MYOM3: variants seen among roughly 807,000 people sequenced by gnomAD.
MYOM3 encodes myomesin 3, also known as myomesin-3.
Under a neutral mutation model 191.7 loss-of-function variants are expected in MYOM3, and 155 were observed. The observed-to-expected ratio is 0.81, with a 90% CI of 0.71 to 0.92. The LOEUF (loss-of-function observed/expected upper bound fraction) is 0.92. Among genes scored for constraint, MYOM3 ranks in the 40% least tolerant of loss-of-function variants. MYOM3 has a pLI of 0.00. For synonymous variants in MYOM3, 757 were observed against 762.9 expected, an observed-to-expected ratio of 0.99 and a Z score of 0.13; for missense variants, 1,889 against 1,890.6, an observed-to-expected ratio of 1.00 and a Z score of 0.02.
chr1:24,081,962 C>G, intron 18 of MYOM3, 39 bp downstream of exon 18: 1 of 1,573,616 alleles, frequency 6.4e-7, no homozygotes, highest in Non-Finnish European at 8.6e-7. Context: ...CGCTGCTAAA[C>G]AAGTCATGAC....
At position 24,067,893 on chromosome 1, in the gene MYOM3, C is replaced by T. The variant is rs560320494; in HGVS notation, c.3355+77G>A. 23 of 1,437,328 alleles carry T rather than the reference C, an allele frequency of 1.6e-5. No homozygotes were observed. The African/African-American group carries it at 2.8e-4, about 17-fold the overall frequency. 89.0% of individuals were successfully genotyped at this position (1,437,328 alleles called of 1,614,324 possible). ...TTGGGGACCCAGCAGGGCTGGGGTT[C>T]CCATTAATCCGCAGTCCAGCATCTC... On this transcript the variant is annotated intron_variant, in intron 27 of 36. Transcript: ENST00000374434.
chr1:24,104,130 G>A (rs188092751), intron 5 of MYOM3, among the ~76,000 whole-genome samples: 12 of 152,296 alleles, frequency 7.9e-5, no homozygotes, highest in African/African-American at 2.9e-4. Flanking sequence ...TAGGCATAAT[G>A]GTTCCTATCT....
At chr1:24,079,893 T>C in intron 20 of MYOM3, 123 bp downstream of exon 20, 2 of 957,766 alleles carry the variant, frequency 2.1e-6, no homozygotes, top group South Asian at 3.7e-5. Context: ...AAATCGCTCT[T>C]CCTCTCTGGT....
chr1:24,107,099 G>A lies in MYOM3; in HGVS notation c.376C>T (p.Arg126Trp), dbSNP rs761928788. 68 of 1,611,208 alleles carry A rather than the reference G, an allele frequency of 4.2e-5. No individual in the cohort carries two copies. The highest frequency in any genetic ancestry group is 3.3e-4 in the Middle Eastern group (2 of 6,076). The change falls in exon 4 of 37, where the codon CGG (arginine) becomes TGG (tryptophan). Residue 126 changes from arginine to tryptophan, a missense_variant. Coordinates refer to ENST00000374434, the MANE Select transcript of MYOM3 (RefSeq NM_152372.4). Reference sequence around the variant, plus strand: ...CGCCGCCTCAGCGTCTTCCAGTCCCGCCTCTGGCGCAGCAGCCGGTGGGTC... The same window carrying A: ...CGCCGCCTCAGCGTCTTCCAGTCCCACCTCTGGCGCAGCAGCCGGTGGGTC... ...LQTHRLLRQRRDWKTLRRRTE... is the reference protein window; with the variant it reads ...LQTHRLLRQRWDWKTLRRRTE...
rs1246359387 is a variant in MYOM3 at position 24,065,972 on chromosome 1, A to G, written c.3453T>C (p.Phe1151=). 3 of 1,614,064 alleles carry G rather than the reference A, an allele frequency of 1.9e-6. No homozygotes were observed. Among genetic ancestry groups the G allele is most frequent in the Admixed American group, 3.3e-5 (2 of 60,028 alleles). The change falls in exon 29 of 37, where the codon TTT becomes TTC. Residue 1151 remains phenylalanine (F), a synonymous_variant. Transcript: ENST00000374434. ...KVTNTKKETR[F]QWFFQRAEMP... Reference sequence around the variant, plus strand: ...TCTCTGCCCTCTGGAAGAACCACTGAAAGCGAGTCTCCTTCTTGGTGTTGG... The same window carrying G: ...TCTCTGCCCTCTGGAAGAACCACTGGAAGCGAGTCTCCTTCTTGGTGTTGG...
At position 24,105,584 on chromosome 1, in the gene MYOM3, C is replaced by T. The variant is rs949361495; in HGVS notation, c.560+336G>A. ...CAGTCTTCCAGCCCCAGGCTGGCTG[C>T]GGGGCAGCTAAGAATAACCCAGGCC... On this transcript the variant is annotated intron_variant, in intron 5 of 36. Transcript: ENST00000374434. 5.3e-5 allele frequency among the ~76,000 whole-genome samples: 8 copies of T among 152,196 alleles called. No homozygotes were observed. In the South Asian group the frequency reaches 8.3e-4, roughly 16 times the overall value.
At chr1:24,100,886 C>CA (rs570186037) in intron 5 of MYOM3, among the ~76,000 whole-genome samples, 5,182 of 94,142 alleles carry the variant, frequency 0.055, 108 homozygotes, top group Non-Finnish European at 0.079. Flanking sequence ...GACTCCGTCT[C>CA]AAAAAAAAAA....
intron 3 of MYOM3, 43 bp downstream of exon 3, chr1:24,107,950 C>A: frequency 6.4e-7 from 1 of 1,560,660 alleles, no homozygotes; most frequent in Non-Finnish European, 8.8e-7. Flanking sequence ...GACAGGATGG[C>A]CCCTCCTCAG....
chr1:24,060,847 GGCTCGC>G (rs929342759), intron 35 of MYOM3, among the ~76,000 whole-genome samples: 7 of 152,096 alleles, frequency 4.6e-5, no homozygotes, highest in African/African-American at 1.7e-4. Context: ...GCGAGAACCA[GGCTCGC>G]GCTGGATGCT....
At chr1:24,061,025 A>G (rs752485769) in intron 35 of MYOM3, 35 bp downstream of exon 35, 2 of 1,613,764 alleles carry the variant, frequency 1.2e-6, no homozygotes, top group African/African-American at 2.7e-5. Flanking sequence ...CCCCAAATTC[A>G]GAAACAAAAA....
rs191288278 is a variant in MYOM3, at chr1:24,085,552, A to G, written c.1799-913T>C. On this transcript the variant is annotated intron_variant, in intron 15 of 36. Transcript: ENST00000374434. ...AAGCTTCTGTTCCTTGACCTGCTCC[A>G]CTTTTTCTCCTCTCTTCTTATTCCT... 2.0e-5 allele frequency among the ~76,000 whole-genome samples: 3 copies of G among 152,226 alleles called. No homozygotes were observed. In the East Asian group the frequency reaches 5.8e-4, roughly 29 times the overall value.
chr1:24,072,616 C>A (rs1340236028), intron 23 of MYOM3, among the ~76,000 whole-genome samples: 1 of 151,588 alleles, frequency 6.6e-6, no homozygotes, highest in Non-Finnish European at 1.5e-5. Context: ...CTCACTGCAA[C>A]CTCCGCCTCC....
intron 24 of MYOM3, 89 bp from the exon 25 acceptor site, chr1:24,071,342 A>G: frequency 6.8e-7 from 1 of 1,467,518 alleles, no homozygotes; most frequent in Non-Finnish European, 9.2e-7. Flanking sequence ...CACCCTTGGC[A>G]TCTGACATGC....
chr1:24,108,531 G>A lies in MYOM3; in HGVS notation c.106C>T (p.Arg36Trp), dbSNP rs370259628. 66 of 1,579,644 alleles carry A rather than the reference G, an allele frequency of 4.2e-5. No homozygotes were observed. The highest frequency in any genetic ancestry group is 1.8e-4 in the African/African-American group (13 of 74,208). ...HRQEEEQKEERQHSLRMGSSV... is the reference protein window; with the variant it reads ...HRQEEEQKEEWQHSLRMGSSV... The stretch of plus-strand genomic sequence containing the variant: ...GAGCCCATGCGCAGGCTGTGCTGCC[G>A]CTCCTCCTTCTGCTCCTCCTCCTGC... The change falls in exon 2 of 37, where the codon CGG becomes TGG. Residue 36 changes from arginine to tryptophan, a missense_variant. Transcript: ENST00000374434.
At chr1:24,094,745 G>A (rs1557614092) in intron 9 of MYOM3, 108 bp downstream of exon 9, 1 of 1,100,746 alleles carries the variant, frequency 9.1e-7, no homozygotes. Context: ...TAGCACAGTT[G>A]GTACTGGTTG....
rs1227036529 is a variant in MYOM3, at chr1:24,099,591, T to C, written c.656+89A>G. On this transcript the variant is annotated intron_variant, in intron 6 of 36. Coordinates refer to ENST00000374434, the MANE Select transcript of MYOM3 (RefSeq NM_152372.4). ...CTTCTGAAGGAGGTGAACTTGGGCCTCAGCTCCGAGGAAGGGTTTGGGATC... is the reference window on the plus strand; with the variant it reads ...CTTCTGAAGGAGGTGAACTTGGGCCCCAGCTCCGAGGAAGGGTTTGGGATC... 2.9e-6 allele frequency: 3 copies of C among 1,039,224 alleles called. No individual in the cohort carries two copies. In the Admixed American group the frequency reaches 5.3e-5, roughly 18 times the overall value. The allele number at this position is 1,039,224 out of a possible 1,614,324, so 64.4% of individuals were successfully genotyped here.
rs1366272808 is a variant in MYOM3, at chr1:24,071,117, C to T, written c.3150G>A (p.Pro1050=). ...IFNNKEIFSS[P]NRKINFDREK... The stretch of plus-strand genomic sequence containing the variant: ...TCAGGGATTGTGAGCACCCAATTAC[C>T]GGCGAGCTGAAGATCTCCTTGTTGT... Residue 1050 remains proline (P), a splice_region_variant and synonymous_variant, in exon 25 of 37, where the codon CCG becomes CCA. Coordinates refer to ENST00000374434, the MANE Select transcript of MYOM3 (RefSeq NM_152372.4). The T allele has an allele frequency of 2.5e-6, 4 of 1,613,326 alleles. No homozygotes were observed. The South Asian group carries it at 4.4e-5, about 18-fold the overall frequency.
rs754107216 is a variant in MYOM3, at chr1:24,062,084, G to C, written c.3796C>G (p.Arg1266Gly). Reference protein sequence around the residue: ...HKDKRLESGDRIRTGTTLDEI... With the variant: ...HKDKRLESGDGIRTGTTLDEI... ...TCCAGGGTGGTGCCCGTCCTTATCC[G>C]ATCACCACTCTCCAGACGTTTGTCT... The change falls in exon 33 of 37, where the codon CGG becomes GGG. Residue 1266 changes from arginine (R) to glycine (G), a missense_variant. Arg to Gly is a moderately radical substitution (Grantham distance 125). Coordinates refer to ENST00000374434, the MANE Select transcript of MYOM3 (RefSeq NM_152372.4). 3.7e-6 allele frequency: 6 copies of C among 1,613,980 alleles called. No homozygotes were observed. Among genetic ancestry groups the C allele is most frequent in the Non-Finnish European group, 5.1e-6 (6 of 1,180,042 alleles).
rs965219712 is a variant in MYOM3 at position 24,056,741 on chromosome 1, G to A, written c.*623C>T. On this transcript the variant is annotated 3_prime_UTR_variant, in exon 37 of 37. Coordinates refer to ENST00000374434, the MANE Select transcript of MYOM3 (RefSeq NM_152372.4). ...CTCTGTCTCCCTCCTTGGACCACTG[G>A]CGGCACTTTCCTTGGACCTGCTTTA... 2.0e-5 allele frequency: 3 copies of A among 152,458 alleles called. No individual in the cohort carries two copies. Among genetic ancestry groups the A allele is most frequent in the Non-Finnish European group, 4.4e-5 (3 of 68,274 alleles). 9.4% of individuals were successfully genotyped at this position (152,458 alleles called of 1,614,324 possible).
Sources: allele counts gnomAD v4.1 joint callset (sites outside exome capture counted in the v4.1 genomes callset), GRCh38; gene constraint gnomAD v4.1.1; transcripts MANE v1.5; gene names NCBI Gene and HGNC (gene_info 2026-07-23, HGNC 2026-07-21).